Variants in PARD3B observed in about 807,000 individuals in gnomAD.
PARD3B encodes par-3 family cell polarity regulator beta.
PARD3B carries 103 observed loss-of-function variants against 130.2 expected under a neutral mutation model. That is an observed-to-expected ratio of 0.79 (90% CI 0.67 to 0.93). The LOEUF (loss-of-function observed/expected upper bound fraction) is 0.93, where lower values mean the gene tolerates loss of function less well. PARD3B is among the 40% of genes least tolerant of loss of function. The pLI is 0.00. For synonymous variants in PARD3B, 583 were observed against 553.2 expected, an observed-to-expected ratio of 1.05 and a Z score of -0.76; for missense variants, 1,609 against 1,499.2, an observed-to-expected ratio of 1.07 and a Z score of -1.21.
intron 21 of PARD3B, among the ~76,000 whole-genome samples, chr2:205,503,080 TCTC>T (rs2050218107): frequency 6.7e-6 from 1 of 150,254 alleles, no homozygotes; most frequent in Non-Finnish European, 1.5e-5. Flanking sequence ...TTTCCTCCCT[TCTC>T]CTCTCCCCTG....
chr2:204,889,986 G>A (rs1479073337), intron 2 of PARD3B, among the ~76,000 whole-genome samples: 1 of 152,204 alleles, frequency 6.6e-6, no homozygotes, highest in African/African-American at 2.4e-5. Flanking sequence ...ATTATATAAT[G>A]TGTTTCTCCT....
chr2:205,079,056 A>G (rs1193146159), intron 4 of PARD3B, among the ~76,000 whole-genome samples: 1 of 152,154 alleles, frequency 6.6e-6, no homozygotes, highest in East Asian at 1.9e-4. Flanking sequence ...TGAATCCCTG[A>G]CCCACAAACT....
At chr2:204,872,669 AT>A (rs1282906648) in intron 2 of PARD3B, among the ~76,000 whole-genome samples, 1 of 152,208 alleles carries the variant, frequency 6.6e-6, no homozygotes, top group African/African-American at 2.4e-5. Flanking sequence ...ATTGTAATAA[AT>A]TCTTCTGTGT....
intron 18 of PARD3B, among the ~76,000 whole-genome samples, chr2:205,373,310 G>C (rs767139497): frequency 6.6e-6 from 1 of 152,144 alleles, no homozygotes; most frequent in Admixed American, 6.5e-5. Flanking sequence ...CTGATCCTAG[G>C]TGTAGTCACT....
intron 19 of PARD3B, among the ~76,000 whole-genome samples, chr2:205,424,697 TC>T (rs2047083482): frequency 1.3e-5 from 2 of 152,160 alleles, no homozygotes; most frequent in South Asian, 4.1e-4. Flanking sequence ...TGTTTCCTCT[TC>T]AGGAAGTTTA....
chr2:205,025,783 C>T (rs899319789), intron 3 of PARD3B, among the ~76,000 whole-genome samples: 2 of 152,050 alleles, frequency 1.3e-5, no homozygotes, highest in African/African-American at 4.8e-5. Context: ...CCATGTTTTG[C>T]CCCAACCACC....
intron 2 of PARD3B, among the ~76,000 whole-genome samples, chr2:204,846,740 C>T (rs967978952): frequency 7.3e-5 from 11 of 150,944 alleles, no homozygotes; most frequent in African/African-American, 2.2e-4. Context: ...TTTTCTTCTT[C>T]GTACAGATGA....
chr2:204,981,244 G>A (rs553213869), intron 3 of PARD3B, among the ~76,000 whole-genome samples: 2 of 152,024 alleles, frequency 1.3e-5, no homozygotes, highest in East Asian at 1.9e-4. Flanking sequence ...CAACAGAAAC[G>A]AGCGTGTATA....
chr2:205,067,824 T>C (rs1392008018), intron 4 of PARD3B, among the ~76,000 whole-genome samples: 1 of 152,238 alleles, frequency 6.6e-6, no homozygotes, highest in Non-Finnish European at 1.5e-5. Flanking sequence ...CATTTTCTAA[T>C]ACTCAGCCTT....
At chr2:205,336,143 C>T (rs908863217) in intron 18 of PARD3B, among the ~76,000 whole-genome samples, 3 of 152,136 alleles carry the variant, frequency 2.0e-5, no homozygotes, top group South Asian at 2.1e-4. Context: ...TGTGAGCCAC[C>T]GCATCCAGCC....
At chr2:204,698,236 G>C (rs1273101417) in intron 2 of PARD3B, among the ~76,000 whole-genome samples, 1 of 152,132 alleles carries the variant, frequency 6.6e-6, no homozygotes, top group East Asian at 1.9e-4. Flanking sequence ...TATTTTTTGG[G>C]CTCCTCTTTA....
rs1408864214 is a variant in PARD3B at position 205,158,002 on chromosome 2, C to T, written c.1435-720C>T. On this transcript the variant is annotated intron_variant, in intron 10 of 22. Transcript: ENST00000406610. The surrounding 1 kb of genome is among the most constrained non-coding windows in gnomAD (Gnocchi z 5.4). ...GACCAGTATGCTTGCGGCTAGGTGT[C>T]ATTTATCAAATATGACATGAATGTT... is the stretch of plus-strand genomic sequence containing the variant. Among the ~76,000 whole-genome samples, 1 of 152,140 alleles carries T rather than the reference C, an allele frequency of 6.6e-6. No homozygotes were observed. The highest frequency in any genetic ancestry group is 2.4e-5 in the African/African-American group (1 of 41,432).
At chr2:205,140,728 A>C (rs1377380379) in intron 10 of PARD3B, among the ~76,000 whole-genome samples, 2 of 152,164 alleles carry the variant, frequency 1.3e-5, no homozygotes, top group Non-Finnish European at 2.9e-5. Flanking sequence ...TTTAAAAGAT[A>C]TATGCATATT....
At chr2:204,609,015 T>C (rs2033830037) in intron 1 of PARD3B, among the ~76,000 whole-genome samples, 1 of 152,218 alleles carries the variant, frequency 6.6e-6, no homozygotes, top group South Asian at 2.1e-4. Context: ...TCTGGAGTTA[T>C]ACTCCTTTTA....
chr2:205,046,377 T>G (rs1698781375), intron 3 of PARD3B, among the ~76,000 whole-genome samples: 1 of 151,990 alleles, frequency 6.6e-6, no homozygotes, highest in Admixed American at 6.6e-5. Context: ...TAGTGATGTC[T>G]CTTAATAAAA....
Position 205,156,313 on chromosome 2 carries a change from A to G in PARD3B, c.1435-2409A>G, listed in dbSNP as rs13024991. ...GCATTAGGAGATATACCTAATGCTA[A>G]ATGACGAGTTAATGGGTGCAGCACA... On this transcript the variant is annotated intron_variant, in intron 10 of 22. Coordinates refer to ENST00000406610, the MANE Select transcript of PARD3B (RefSeq NM_001302769.2). 2.0e-3 allele frequency among the ~76,000 whole-genome samples: 307 copies of G among 151,354 alleles called. 1 individual carries two copies. Among genetic ancestry groups the G allele is most frequent in the East Asian group, 0.015 (77 of 5,098 alleles).
chr2:204,876,064 G>A (rs563877467), intron 2 of PARD3B, among the ~76,000 whole-genome samples: 23 of 152,164 alleles, frequency 1.5e-4, no homozygotes, highest in Non-Finnish European at 2.8e-4. Flanking sequence ...GCAGACCATG[G>A]CAGTGGAGCC....
At chr2:204,659,238 A>G (rs1014676913) in intron 1 of PARD3B, among the ~76,000 whole-genome samples, 1 of 152,134 alleles carries the variant, frequency 6.6e-6, no homozygotes, top group African/African-American at 2.4e-5. Context: ...TAATTGAACA[A>G]TTGTGTTGTT....
Position 204,860,172 on chromosome 2 carries a change from G to T in PARD3B, c.223-104980G>T, listed in dbSNP as rs542975248. Among the ~76,000 whole-genome samples the T allele has an allele frequency of 2.3e-4, 35 of 152,090 alleles. No homozygotes were observed. The South Asian group carries it at 6.9e-3, about 30-fold the overall frequency. ...AGCTATAAAAATGTGTTATATCAAT[G>T]ACTGATTATATTAACATTCTATAGC... On this transcript the variant is annotated intron_variant, in intron 2 of 22. Transcript: ENST00000406610.
Sources: gnomAD v4.1 joint callset for allele counts (sites outside exome capture counted in the v4.1 genomes callset) on GRCh38, gnomAD v4.1.1 for gene constraint, Gnocchi (gnomAD v3.1) non-coding constraint, MANE v1.5 for transcripts, NCBI Gene and HGNC (gene_info 2026-07-23, HGNC 2026-07-21) for gene names.